The following SHISAL2A variants were observed in gnomAD, a reference collection of about 807,000 sequenced individuals.
SHISAL2A encodes the protein shisa like 2A.
In SHISAL2A, 18 loss-of-function variants were observed where a neutral mutation model predicts 11.5. The observed-to-expected ratio is 1.57, with a 90% CI of 1.08 to 2.33. SHISAL2A has a LOEUF of 2.33. Ranked by LOEUF, SHISAL2A falls within the 30% of genes most tolerant of loss-of-function variation. SHISAL2A has a pLI of 0.00. For synonymous variants in SHISAL2A, 94 were observed against 99.6 expected, an observed-to-expected ratio of 0.94 and a Z score of 0.34; for missense variants, 261 against 250.9, an observed-to-expected ratio of 1.04 and a Z score of -0.27.
At chr1:52,662,506 G>A (rs564112419) in intron 4 of SHISAL2A, among the ~76,000 whole-genome samples, 28 of 151,040 alleles carry the variant, frequency 1.9e-4, no homozygotes, top group South Asian at 1.3e-3. Flanking sequence ...CAATATGCCC[G>A]GCTAATTTTT....
intron 2 of SHISAL2A, among the ~76,000 whole-genome samples, chr1:52,649,113 G>A (rs1380789205): frequency 4.6e-5 from 7 of 152,108 alleles, no homozygotes; most frequent in Admixed American, 4.6e-4. Context: ...TTCATTAAGT[G>A]TTGGCCTCTC....
At chr1:52,647,977 C>T (rs1691539743) in intron 2 of SHISAL2A, among the ~76,000 whole-genome samples, 1 of 150,308 alleles carries the variant, frequency 6.7e-6, no homozygotes, top group South Asian at 2.1e-4. Flanking sequence ...CAGGTACTCT[C>T]ATATACTGCT....
At chr1:52,653,990 A>T (rs879476242) in intron 2 of SHISAL2A, among the ~76,000 whole-genome samples, 2 of 152,168 alleles carry the variant, frequency 1.3e-5, no homozygotes, top group Non-Finnish European at 2.9e-5. Flanking sequence ...CAGAATGAGG[A>T]CTTGAGCCAA....
chr1:52,642,752 G>A, intron 1 of SHISAL2A, 111 bp from the exon 2 acceptor site: 1 of 1,136,548 alleles, frequency 8.8e-7, no homozygotes, highest in Non-Finnish European at 1.3e-6. Flanking sequence ...TTTTTATTCT[G>A]TACATTTTCT....
At chr1:52,661,191 C>G (rs994844775), downstream of SHISAL2A, among the ~76,000 whole-genome samples, 3 of 152,116 alleles carry the variant, frequency 2.0e-5, no homozygotes, top group Admixed American at 1.3e-4. Flanking sequence ...GTCTTTATCC[C>G]GAGGGCAAAA....
intron 2 of SHISAL2A, among the ~76,000 whole-genome samples, chr1:52,647,556 T>C (rs1393261883): frequency 6.6e-6 from 1 of 152,028 alleles, no homozygotes; most frequent in Non-Finnish European, 1.5e-5. Context: ...TCAAAAATGA[T>C]ACATCCAGGC....
At position 52,642,864 on chromosome 1, in the gene SHISAL2A, A is replaced by G. The variant is rs758759751; in HGVS notation, c.184A>G (p.Ile62Val). Residue 62 changes from isoleucine (I) to valine (V), a missense_variant and splice_region_variant, in exon 2 of 3, where the codon ATT becomes GTT. Coordinates refer to ENST00000517870, the MANE Select transcript of SHISAL2A (RefSeq NM_001042693.3). ...TCCCATGTGGTCTTCTCTTCCCAGC[A>G]TTGGCGCTCTCATAGGCCTGTCCGT... ...YEHSYMWWLS[I>V]GALIGLSVAA... The G allele has an allele frequency of 9.3e-6, 15 of 1,612,816 alleles. No individual in the cohort carries two copies. In the East Asian group the frequency reaches 2.9e-4, roughly 31 times the overall value.
At chr1:52,646,492 T>C (rs974757430) in intron 2 of SHISAL2A, among the ~76,000 whole-genome samples, 9 of 145,366 alleles carry the variant, frequency 6.2e-5, no homozygotes, top group Admixed American at 2.1e-4. Flanking sequence ...TAAATATCTA[T>C]ACACACACAC....
rs1320038238 is a variant in SHISAL2A at position 52,633,244 on chromosome 1, A to ACTCCCGCCGCCGG, written c.-248_-236dup. 5.7e-5 allele frequency: 18 copies of ACTCCCGCCGCCGG among 318,546 alleles called. No homozygotes were observed. Among genetic ancestry groups the ACTCCCGCCGCCGG allele is most frequent in the Admixed American group, 4.5e-4 (9 of 19,906 alleles). 19.7% of individuals were successfully genotyped at this position (318,546 alleles called of 1,614,324 possible). A position where few individuals can be genotyped will look rare whatever the true frequency, so the allele number is the denominator to read the frequency against. The stretch of plus-strand genomic sequence containing the variant: ...CTCCTGCCGCGTTCCAGCAGCCGTC[A>ACTCCCGCCGCCGG]CTCCCGCCGCCGGCCCCCGCCGCCC... On this transcript the variant is annotated 5_prime_UTR_variant, in exon 1 of 3. Transcript: ENST00000517870. This position sits in a 1 kb window ranked among gnomAD's most constrained non-coding sequence, Gnocchi z 6.4.
chr1:52,667,383 C>T (rs777197671), intron 4 of SHISAL2A: 97 of 984,288 alleles, frequency 9.9e-5, no homozygotes, highest in Non-Finnish European at 1.1e-4. Flanking sequence ...TGTTCACATT[C>T]TCTATGACCC....
At chr1:52,634,014 C>T (rs1310854961) in intron 1 of SHISAL2A, among the ~76,000 whole-genome samples, 1 of 152,060 alleles carries the variant, frequency 6.6e-6, no homozygotes, top group Admixed American at 6.6e-5. Context: ...CTTCCATCTT[C>T]AAACATTCAC....
At chr1:52,646,161 A>G (rs936304288) in intron 2 of SHISAL2A, among the ~76,000 whole-genome samples, 10 of 152,186 alleles carry the variant, frequency 6.6e-5, no homozygotes, top group African/African-American at 1.9e-4. Context: ...ATTGATAACT[A>G]TTGGTAGAGG....
intron 1 of SHISAL2A, among the ~76,000 whole-genome samples, chr1:52,635,356 C>A (rs1189969439): frequency 6.6e-6 from 1 of 150,484 alleles, no homozygotes; most frequent in Non-Finnish European, 1.5e-5. Flanking sequence ...CCTCATTCCC[C>A]ACCCCCCACC....
At chr1:52,643,059 G>T (rs1691407638) in intron 2 of SHISAL2A, 57 bp downstream of exon 2, 1 of 1,541,166 alleles carries the variant, frequency 6.5e-7, no homozygotes, top group African/African-American at 1.4e-5. Context: ...CTTTTCAAGG[G>T]GGGAGAAATG....
chr1:52,633,442 C>A lies in SHISAL2A; in HGVS notation c.-52C>A. The A allele has an allele frequency of 7.1e-7, 1 of 1,415,204 alleles. No homozygotes were observed. The highest frequency in any genetic ancestry group is 9.2e-7 in the Non-Finnish European group (1 of 1,091,894). The allele number at this position is 1,415,204 out of a possible 1,614,324, so 87.7% of individuals were successfully genotyped here. ...CGGTCCCTCGCTTCCCCGCCGGGCT[C>A]TAGCCGGCCGTCTGGTGGCCCGAGG... On this transcript the variant is annotated 5_prime_UTR_variant, in exon 1 of 3. Transcript: ENST00000517870. The surrounding 1 kb of genome is among the most constrained non-coding windows in gnomAD (Gnocchi z 6.4).
rs1691260556 is a variant in SHISAL2A at position 52,637,393 on chromosome 1, A to T, written c.182+3718A>T. 2.0e-5 allele frequency among the ~76,000 whole-genome samples: 3 copies of T among 152,202 alleles called. No individual in the cohort carries two copies. The South Asian group carries it at 6.2e-4, about 31-fold the overall frequency. On this transcript the variant is annotated intron_variant, in intron 1 of 2. Transcript: ENST00000517870. Reference sequence around the variant, plus strand: ...CTGTAAATTCCGTTTGGCCCTTTTCATGAAAGTCAGTCCTTAAAAACTTCA... The same window carrying T: ...CTGTAAATTCCGTTTGGCCCTTTTCTTGAAAGTCAGTCCTTAAAAACTTCA...
Position 52,657,022 on chromosome 1 carries a change from A to G in SHISAL2A, c.555A>G (p.Leu185=), listed in dbSNP as rs1691806127. The change falls in exon 3 of 3, where the codon CTA becomes CTG. Residue 185 remains leucine (L), a synonymous_variant. Transcript: ENST00000517870. ...AAGCCTCTGTACCCAACCCTGACCT[A>G]TGTGGACCAGTCCCATAAACATTCA... ...PEEASVPNPD[L]CGPVP is the part of the protein sequence containing the mutation. 1.9e-6 allele frequency: 3 copies of G among 1,607,944 alleles called. No individual in the cohort carries two copies. Among genetic ancestry groups the G allele is most frequent in the African/African-American group, 1.3e-5 (1 of 74,734 alleles).
At chr1:52,641,387 G>A (rs1202209660) in intron 1 of SHISAL2A, among the ~76,000 whole-genome samples, 1 of 152,174 alleles carries the variant, frequency 6.6e-6, no homozygotes, top group Non-Finnish European at 1.5e-5. Context: ...CCTAGAGATG[G>A]TTCCAGAATT....
downstream of SHISAL2A, among the ~76,000 whole-genome samples, chr1:52,660,110 A>T (rs1691874224): frequency 6.6e-6 from 1 of 152,166 alleles, no homozygotes; most frequent in Non-Finnish European, 1.5e-5. Flanking sequence ...GATGCTGATG[A>T]TGCTGGTCTG....
Sources: allele counts gnomAD v4.1 joint callset (sites outside exome capture counted in the v4.1 genomes callset), GRCh38; gene constraint gnomAD v4.1.1; non-coding constraint Gnocchi (gnomAD v3.1); transcripts MANE v1.5; gene names NCBI Gene and HGNC (gene_info 2026-07-23, HGNC 2026-07-21).